ADAM23: variants seen among roughly 807,000 people sequenced by gnomAD.
The protein encoded by ADAM23 is disintegrin and metalloproteinase domain-containing protein 23.
A neutral mutation model predicts 120.1 loss-of-function variants in ADAM23; 33 were observed. That is an observed-to-expected ratio of 0.27 (90% confidence interval 0.21 to 0.37). ADAM23 has a LOEUF of 0.37. Among genes scored for constraint, ADAM23 ranks in the 10% least tolerant of loss-of-function variants. The pLI is 1.00. For synonymous variants in ADAM23, 367 were observed against 375.2 expected, an observed-to-expected ratio of 0.98 and a Z score of 0.25; for missense variants, 862 against 1,058.2, an observed-to-expected ratio of 0.81 and a Z score of 2.57.
At chr2:206,562,111 C>A in intron 12 of ADAM23, 92 bp from the exon 13 acceptor site, 1 of 1,060,590 alleles carries the variant, frequency 9.4e-7, no homozygotes, top group Non-Finnish European at 1.4e-6. Flanking sequence ...ACTTAGGGAA[C>A]TGAGAAGATT....
intron 24 of ADAM23, among the ~76,000 whole-genome samples, chr2:206,600,593 T>C (rs2105856846): frequency 6.6e-6 from 1 of 152,324 alleles, no homozygotes; most frequent in East Asian, 1.9e-4. Context: ...GATTTGAGAA[T>C]GTCAGAAATG....
intron 15 of ADAM23, among the ~76,000 whole-genome samples, chr2:206,568,923 G>GATGACTAAGA (rs1187817156): frequency 2.0e-5 from 3 of 152,310 alleles, no homozygotes; most frequent in Admixed American, 1.3e-4. Flanking sequence ...CCTGACATCT[G>GATGACTAAGA]TGTAGAATCT....
intron 24 of ADAM23, among the ~76,000 whole-genome samples, chr2:206,604,794 CTG>C (rs1559286257): frequency 6.6e-6 from 1 of 152,196 alleles, no homozygotes. Context: ...TTTCGTTTCA[CTG>C]TCTCAGAGCA....
In ADAM23 at chr2:206,589,911, C is replaced by T. The variant is rs777141743; in HGVS notation, c.1958+397C>T. 1.2e-3 allele frequency among the ~76,000 whole-genome samples: 178 copies of T among 152,098 alleles called. 1 individual carries two copies. Among genetic ancestry groups the T allele is most frequent in the Non-Finnish European group, 2.0e-3 (139 of 67,992 alleles). ...ACTATATAGACCGTATATATTTTTGCGACCAACGTGAAATCTTACTGTGTT... is the reference window on the plus strand; with the variant it reads ...ACTATATAGACCGTATATATTTTTGTGACCAACGTGAAATCTTACTGTGTT... On this transcript the variant is annotated intron_variant, in intron 21 of 25. Transcript: ENST00000264377.
chr2:206,567,439 A>C, intron 15 of ADAM23, 117 bp downstream of exon 15: 1 of 707,034 alleles, frequency 1.4e-6, no homozygotes. Context: ...CAATCAGATT[A>C]ATATTTAGTT....
In ADAM23 at chr2:206,510,080, C is replaced by A. The variant is rs1448648091; in HGVS notation, c.510-20805C>A. On this transcript the variant is annotated intron_variant, in intron 3 of 25. Coordinates refer to ENST00000264377, the MANE Select transcript of ADAM23 (RefSeq NM_003812.4). ...CTAGACTTGGTCTCTTTATTTAGTTCCTTCCTAGTTTTTGCTTTCTAATTA... is the reference window on the plus strand; with the variant it reads ...CTAGACTTGGTCTCTTTATTTAGTTACTTCCTAGTTTTTGCTTTCTAATTA... Among the ~76,000 whole-genome samples the A allele has an allele frequency of 3.3e-5, 5 of 152,246 alleles. No individual in the cohort carries two copies. In the East Asian group the frequency reaches 9.6e-4, roughly 29 times the overall value.
At chr2:206,508,242 G>T (rs62195947) in intron 3 of ADAM23, among the ~76,000 whole-genome samples, 1 of 152,140 alleles carries the variant, frequency 6.6e-6, no homozygotes, top group Non-Finnish European at 1.5e-5. Context: ...TGTTAGCCAG[G>T]ATGGTCTTGA....
At chr2:206,560,704 T>C (rs1023997990) in intron 11 of ADAM23, among the ~76,000 whole-genome samples, 2 of 152,224 alleles carry the variant, frequency 1.3e-5, no homozygotes, top group Non-Finnish European at 2.9e-5. Context: ...TAAGGTTCTG[T>C]CCTGGAATCA....
intron 2 of ADAM23, among the ~76,000 whole-genome samples, chr2:206,451,760 G>A (rs990562839): frequency 6.6e-6 from 1 of 152,202 alleles, no homozygotes; most frequent in African/African-American, 2.4e-5. Flanking sequence ...GTGGCAGGAA[G>A]TGAAGGTGGA....
At chr2:206,597,939 T>G (rs1020485619) in intron 24 of ADAM23, among the ~76,000 whole-genome samples, 3 of 152,232 alleles carry the variant, frequency 2.0e-5, no homozygotes, top group Non-Finnish European at 4.4e-5. Flanking sequence ...GTGGGTGTGT[T>G]AAAACACATT....
intron 13 of ADAM23, 64 bp from the exon 14 acceptor site, chr2:206,564,956 A>G: frequency 6.3e-7 from 1 of 1,589,002 alleles, no homozygotes; most frequent in Non-Finnish European, 8.6e-7. Context: ...TGTAATACCA[A>G]AAAAATATGT....
chr2:206,503,228 C>A (rs957960705), intron 3 of ADAM23, among the ~76,000 whole-genome samples: 2 of 152,080 alleles, frequency 1.3e-5, no homozygotes, highest in African/African-American at 4.8e-5. Flanking sequence ...GTGTTCAAAT[C>A]TCATATTTGT....
intron 2 of ADAM23, among the ~76,000 whole-genome samples, chr2:206,449,431 TC>T (rs557595789): frequency 0.011 from 1,704 of 152,320 alleles, 16 homozygotes; most frequent in Non-Finnish European, 0.018. Flanking sequence ...TGTGGTCTGT[TC>T]CTAGGAGAGT....
intron 3 of ADAM23, among the ~76,000 whole-genome samples, chr2:206,516,193 C>T (rs2105786271): frequency 6.7e-6 from 1 of 149,608 alleles, no homozygotes; most frequent in South Asian, 2.1e-4. Flanking sequence ...AAGGTAACCT[C>T]TCATCCTGAA....
At chr2:206,549,277 A>G (rs961783273) in intron 8 of ADAM23, among the ~76,000 whole-genome samples, 4 of 151,216 alleles carry the variant, frequency 2.6e-5, no homozygotes, top group Admixed American at 2.6e-4. Flanking sequence ...TATATATTAT[A>G]TAAATTATTA....
intron 18 of ADAM23, among the ~76,000 whole-genome samples, chr2:206,582,921 G>A (rs1698246704): frequency 6.6e-6 from 1 of 152,158 alleles, no homozygotes; most frequent in South Asian, 2.1e-4. Context: ...TGAGAAATCT[G>A]CTGTTAATAT....
At chr2:206,447,090 C>T (rs1695096940) in intron 2 of ADAM23, among the ~76,000 whole-genome samples, 2 of 152,136 alleles carry the variant, frequency 1.3e-5, no homozygotes, top group African/African-American at 2.4e-5. Context: ...TTCAGTGGCA[C>T]TTTTTAATAA....
At chr2:206,573,306 G>A in intron 18 of ADAM23, 111 bp downstream of exon 18, 1 of 1,064,500 alleles carries the variant, frequency 9.4e-7, no homozygotes, top group East Asian at 2.4e-5. Context: ...TTGGATTTTG[G>A]AATATTTGCA....
intron 13 of ADAM23, among the ~76,000 whole-genome samples, chr2:206,563,063 GTTTATC>G (rs1398572043): frequency 6.6e-6 from 1 of 152,160 alleles, no homozygotes; most frequent in East Asian, 1.9e-4. Context: ...CCCAGATTGT[GTTTATC>G]TTTATACAAA....
Sources: allele counts gnomAD v4.1 joint callset (sites outside exome capture counted in the v4.1 genomes callset), GRCh38; gene constraint gnomAD v4.1.1; transcripts MANE v1.5; gene names NCBI Gene and HGNC (gene_info 2026-07-23, HGNC 2026-07-21).